Variants in SLC17A8 observed in about 807,000 individuals in gnomAD.
SLC17A8 encodes the protein solute carrier family 17 member 8.
SLC17A8 carries 31 observed loss-of-function variants against 58.0 expected under a neutral mutation model. That is an observed-to-expected ratio of 0.53 (90% CI 0.40 to 0.72). The LOEUF is 0.72. SLC17A8 is among the 30% of genes least tolerant of loss of function. SLC17A8 has a pLI of 0.00. For synonymous variants in SLC17A8, 228 were observed against 249.0 expected, an observed-to-expected ratio of 0.92 and a Z score of 0.79; for missense variants, 655 against 727.8, an observed-to-expected ratio of 0.90 and a Z score of 1.15.
chr12:100,381,000 C>G (rs1304496230), intron 2 of SLC17A8, 47 bp downstream of exon 2: 1 of 1,608,146 alleles, frequency 6.2e-7, no homozygotes, highest in South Asian at 1.1e-5. Context: ...GAGACAGGGT[C>G]TCGCTCGGTC....
intron 1 of SLC17A8, among the ~76,000 whole-genome samples, chr12:100,364,970 T>A (rs938472406): frequency 2.0e-5 from 3 of 152,054 alleles, no homozygotes; most frequent in Non-Finnish European, 4.4e-5. Flanking sequence ...CCAAACTAAG[T>A]TTTTTTTCCT....
chr12:100,418,230 G>C, intron 11 of SLC17A8, 74 bp downstream of exon 11: 1 of 1,585,520 alleles, frequency 6.3e-7, no homozygotes, highest in South Asian at 1.1e-5. Flanking sequence ...AGATTTCAAG[G>C]CTCTACTGCA....
intron 5 of SLC17A8, among the ~76,000 whole-genome samples, chr12:100,399,714 A>G (rs1166952034): frequency 6.6e-6 from 1 of 152,184 alleles, no homozygotes; most frequent in Non-Finnish European, 1.5e-5. Flanking sequence ...ACCTCCCACC[A>G]GGTTCTTCCC....
In SLC17A8 at chr12:100,421,658, G is replaced by GTTTTTTTTTTTTTTTTT. The variant is rs59689031; in HGVS notation, c.*1505_*1521dup. ...TACTTGTAGCTTATTATTGTAAAGT[G>GTTTTTTTTTTTTTTTTT]TTTTTTTTTTTTTTTTTTTTTTCTA... On this transcript the variant is annotated 3_prime_UTR_variant, in exon 12 of 12. Transcript: ENST00000323346. The GTTTTTTTTTTTTTTTTT allele has an allele frequency of 1.8e-5, 2 of 109,872 alleles. No individual in the cohort carries two copies. Among genetic ancestry groups the GTTTTTTTTTTTTTTTTT allele is most frequent in the Admixed American group, 1.1e-4 (1 of 9,318 alleles). The allele number at this position is 109,872 out of a possible 1,614,324, so 6.8% of individuals were successfully genotyped here.
chr12:100,364,965 C>T (rs1174277024), intron 1 of SLC17A8, among the ~76,000 whole-genome samples: 1 of 152,196 alleles, frequency 6.6e-6, no homozygotes, highest in Non-Finnish European at 1.5e-5. Context: ...CTGGACCAAA[C>T]TAAGTTTTTT....
At chr12:100,411,977 A>G (rs775046614) in intron 9 of SLC17A8, among the ~76,000 whole-genome samples, 12 of 151,962 alleles carry the variant, frequency 7.9e-5, no homozygotes, top group Non-Finnish European at 1.8e-4. Flanking sequence ...GATATTTGCT[A>G]CAGTTTTCTG....
At chr12:100,400,892 GT>G (rs1334798787) in intron 5 of SLC17A8, among the ~76,000 whole-genome samples, 1 of 151,566 alleles carries the variant, frequency 6.6e-6, no homozygotes, top group East Asian at 1.9e-4. Context: ...CATTTGCAAG[GT>G]TAAGTTTTAC....
chr12:100,362,430 A>T (rs2135968165), intron 1 of SLC17A8, among the ~76,000 whole-genome samples: 2 of 152,168 alleles, frequency 1.3e-5, no homozygotes, highest in South Asian at 4.2e-4. Flanking sequence ...GGGTCTCACC[A>T]TGTTGATTAG....
At chr12:100,375,507 C>A (rs1453885661) in intron 1 of SLC17A8, among the ~76,000 whole-genome samples, 10 of 152,190 alleles carry the variant, frequency 6.6e-5, no homozygotes, top group Non-Finnish European at 1.5e-5. Context: ...GGCCTCACAT[C>A]CCTGCGGTGC....
chr12:100,370,698 T>C (rs538933120), intron 1 of SLC17A8, among the ~76,000 whole-genome samples: 3 of 152,062 alleles, frequency 2.0e-5, no homozygotes, highest in Admixed American at 2.0e-4. Flanking sequence ...CATATGGCCA[T>C]TGGGCTTTCA....
chr12:100,362,715 C>G (rs1042344451), intron 1 of SLC17A8, among the ~76,000 whole-genome samples: 1 of 152,162 alleles, frequency 6.6e-6, no homozygotes, highest in East Asian at 1.9e-4. Context: ...TACAGCTTCT[C>G]CAAGACTCTA....
chr12:100,410,693 T>A (rs1296053970), intron 9 of SLC17A8: 1 of 152,280 alleles, frequency 6.6e-6, no homozygotes, highest in Non-Finnish European at 1.5e-5. Flanking sequence ...TTATTGCAGT[T>A]TTCCTGGTAA....
intron 5 of SLC17A8, among the ~76,000 whole-genome samples, chr12:100,398,916 C>G (rs1380093349): frequency 1.3e-5 from 2 of 152,144 alleles, no homozygotes; most frequent in African/African-American, 4.8e-5. Flanking sequence ...TTGCCGCCAT[C>G]CACGTAAGAT....
intron 9 of SLC17A8, among the ~76,000 whole-genome samples, chr12:100,410,233 C>T (rs748527766): frequency 4.6e-5 from 7 of 151,950 alleles, no homozygotes; most frequent in Non-Finnish European, 8.8e-5. Flanking sequence ...TGGTGGCTCA[C>T]GCCTGTAATC....
In SLC17A8 at chr12:100,399,156, C is replaced by T. The variant is rs187387626; in HGVS notation, c.677-2621C>T. Among the ~76,000 whole-genome samples the T allele has an allele frequency of 2.2e-4, 34 of 152,174 alleles. No individual in the cohort carries two copies. The East Asian group carries it at 5.4e-3, about 24-fold the overall frequency. ...TTAAATTCTTACAGCTAGTGAGGGC[C>T]GAACCGGGGGCTCTTTCTCACCCCC... is the stretch of plus-strand genomic sequence containing the variant. On this transcript the variant is annotated intron_variant, in intron 5 of 11. Transcript: ENST00000323346.
At chr12:100,383,045 G>C (rs60708055) in intron 2 of SLC17A8, among the ~76,000 whole-genome samples, 1 of 152,240 alleles carries the variant, frequency 6.6e-6, no homozygotes, top group African/African-American at 2.4e-5. Context: ...CATATCATGC[G>C]TTTTTAAAAT....
At chr12:100,380,639 G>C (rs1253000607) in intron 1 of SLC17A8, 62 bp from the exon 2 acceptor site, 2 of 1,604,016 alleles carry the variant, frequency 1.2e-6, no homozygotes, top group African/African-American at 1.3e-5. Context: ...TTTTTGCTTA[G>C]TATACTTTCT....
In SLC17A8 at chr12:100,400,290, C is replaced by T. The variant is rs1446255399; in HGVS notation, c.677-1487C>T. 3.3e-5 allele frequency among the ~76,000 whole-genome samples: 5 copies of T among 152,136 alleles called. No individual in the cohort carries two copies. The East Asian group carries it at 5.8e-4, about 18-fold the overall frequency. ...ATTTTCAACACATGCCTGGAGTGCT[C>T]ACCTTATTGGTTTGAGGAGCCCTGA... On this transcript the variant is annotated intron_variant, in intron 5 of 11. Transcript: ENST00000323346.
intron 4 of SLC17A8, 46 bp downstream of exon 4, chr12:100,393,529 G>T (rs541614834): frequency 7.2e-7 from 1 of 1,388,830 alleles, no homozygotes; most frequent in African/African-American, 1.4e-5. Flanking sequence ...TAGAGACAGC[G>T]CAGTCCTTTA....
Sources: gnomAD v4.1 joint callset for allele counts (sites outside exome capture counted in the v4.1 genomes callset) on GRCh38, gnomAD v4.1.1 for gene constraint, MANE v1.5 for transcripts, NCBI Gene and HGNC (gene_info 2026-07-23, HGNC 2026-07-21) for gene names.